ANKS3: variants seen among roughly 807,000 people sequenced by gnomAD.
The protein encoded by ANKS3 is ankyrin repeat and SAM domain-containing protein 3.
A neutral mutation model predicts 80.7 loss-of-function variants in ANKS3; 62 were observed. The ratio of observed to expected loss-of-function variants is 0.77; its 90% CI spans 0.63 to 0.95. The LOEUF (loss-of-function observed/expected upper bound fraction) is 0.95. Ranked by LOEUF, ANKS3 falls within the 40% of genes least tolerant of loss-of-function variation. The pLI, the probability that ANKS3 is intolerant of heterozygous loss-of-function variation, is 0.00. For synonymous variants in ANKS3, 489 were observed against 355.3 expected (o/e 1.38, Z -4.23); for missense variants, 1,150 against 883.6 (o/e 1.30, Z -3.82).
chr16:4,697,895 C>A (rs755999092), intron 15 of ANKS3, 82 bp downstream of exon 15: 55 of 1,296,738 alleles, frequency 4.2e-5, no homozygotes, highest in Non-Finnish European at 5.7e-5. Flanking sequence ...GAGAACCAGG[C>A]CAAGCCCACT....
rs1373021786 is a variant in ANKS3, at chr16:4,713,959, C to G, written c.709+92G>C. 3 of 1,517,920 alleles carry G rather than the reference C, an allele frequency of 2.0e-6. No individual in the cohort carries two copies. The African/African-American group carries it at 4.1e-5, about 21-fold the overall frequency. 94.0% of individuals were successfully genotyped at this position (1,517,920 alleles called of 1,614,324 possible). A position where few individuals can be genotyped will look rare whatever the true frequency, so the allele number is the denominator to read the frequency against. ...GCCAAATCTCAGAGAAGGTGGGAGC[C>G]GGGGAAGCGGGGGACATCTTTCTCT... On this transcript the variant is annotated intron_variant, in intron 7 of 17. Coordinates refer to ENST00000304283, the MANE Select transcript of ANKS3 (RefSeq NM_133450.4).
chr16:4,709,242 C>A (rs2142067839), intron 7 of ANKS3, among the ~76,000 whole-genome samples: 1 of 151,512 alleles, frequency 6.6e-6, no homozygotes, highest in South Asian at 2.1e-4. Context: ...CCCTGTCTCT[C>A]CCAAAAATGC....
At chr16:4,699,398 T>C (rs760684923) in intron 11 of ANKS3, 14 of 589,934 alleles carry the variant, frequency 2.4e-5, no homozygotes, top group East Asian at 8.9e-5. Context: ...GGACAATGTA[T>C]GTTCATCACC....
intron 2 of ANKS3, among the ~76,000 whole-genome samples, chr16:4,730,838 C>G (rs190781661): frequency 6.6e-4 from 100 of 151,050 alleles, no homozygotes; most frequent in African/African-American, 2.3e-3. Flanking sequence ...GGAAACAGAG[C>G]AAGACTTTGT....
In ANKS3 at chr16:4,724,747, T is replaced by C; in HGVS notation, c.573+3A>G. 1 of 1,612,798 alleles carries C rather than the reference T, an allele frequency of 6.2e-7. No individual in the cohort carries two copies. The highest frequency in any genetic ancestry group is 8.5e-7 in the Non-Finnish European group (1 of 1,179,342). ...TTACATGCTAATAATCAGGGTCACT[T>C]ACGTGATTCAGAAAATACTGCACGA... On this transcript the variant is annotated splice_donor_region_variant and intron_variant, in intron 6 of 17. Transcript: ENST00000304283.
chr16:4,698,358 G>A (rs965387864), intron 14 of ANKS3, 69 bp downstream of exon 14: 5 of 1,431,690 alleles, frequency 3.5e-6, no homozygotes, highest in African/African-American at 1.4e-5. Context: ...AGGAAAGGAT[G>A]TGTGGGGGCC....
Position 4,714,045 on chromosome 16 carries a change from G to T in ANKS3, c.709+6C>A. ...CCAGCAGGGCGCGGCTGGCAGGTGT[G>T]GGTACCTGGGCTCCGATAGAGGCTC... On this transcript the variant is annotated splice_donor_region_variant and intron_variant, in intron 7 of 17. Coordinates refer to ENST00000304283, the MANE Select transcript of ANKS3 (RefSeq NM_133450.4). The T allele has an allele frequency of 1.2e-6, 2 of 1,613,966 alleles. No homozygotes were observed. Among genetic ancestry groups the T allele is most frequent in the African/African-American group, 2.7e-5 (2 of 75,046 alleles).
At position 4,721,957 on chromosome 16, in the gene ANKS3, T is replaced by C. The variant is rs770269540; in HGVS notation, c.573+2793A>G. ...GGCCCCGTCTCTTTATACACCAATATAGAAAAATCTTCATGATTAAGTTTT... is the reference window on the plus strand; with the variant it reads ...GGCCCCGTCTCTTTATACACCAATACAGAAAAATCTTCATGATTAAGTTTT... On this transcript the variant is annotated intron_variant, in intron 6 of 17. Coordinates refer to ENST00000304283, the MANE Select transcript of ANKS3 (RefSeq NM_133450.4). 7.7e-4 allele frequency among the ~76,000 whole-genome samples: 116 copies of C among 151,396 alleles called. 2 individuals carry two copies. Among genetic ancestry groups the C allele is most frequent in the Admixed American group, 1.7e-3 (25 of 15,064 alleles).
Position 4,697,123 on chromosome 16 carries a change from G to A in ANKS3, c.1895-19C>T, listed in dbSNP as rs1194526934. ...GCTTGCCCTGAGGAATGATGACCTTGAGCCTCTCCCGGCCAGGCTCAGGAG... is the reference window on the plus strand; with the variant it reads ...GCTTGCCCTGAGGAATGATGACCTTAAGCCTCTCCCGGCCAGGCTCAGGAG... On this transcript the variant is annotated intron_variant, in intron 16 of 17. Transcript: ENST00000304283. The A allele has an allele frequency of 3.1e-6, 5 of 1,611,666 alleles. No homozygotes were observed. The African/African-American group carries it at 4.0e-5, about 13-fold the overall frequency.
chr16:4,698,140 G>C lies in ANKS3; in HGVS notation c.1725-78C>G. ...AGCCCCCACCTCAGACCTTCTAGGG[G>C]AGGGAGGGGCTCAGCCCTGTCCTTG... On this transcript the variant is annotated intron_variant, in intron 14 of 17. Transcript: ENST00000304283. The C allele has an allele frequency of 2.0e-6, 3 of 1,464,438 alleles. No individual in the cohort carries two copies. In the East Asian group the frequency reaches 7.4e-5, roughly 36 times the overall value. 90.7% of individuals were successfully genotyped at this position (1,464,438 alleles called of 1,614,324 possible).
At chr16:4,716,430 C>G (rs1186529749) in intron 6 of ANKS3, among the ~76,000 whole-genome samples, 3 of 151,432 alleles carry the variant, frequency 2.0e-5, no homozygotes. Flanking sequence ...GCAACTGTCT[C>G]TCCCGTTAGA....
chr16:4,697,306 T>A, intron 16 of ANKS3, 27 bp downstream of exon 16: 1 of 1,582,408 alleles, frequency 6.3e-7, no homozygotes, highest in Non-Finnish European at 8.6e-7. Context: ...AAAGGAGCGC[T>A]CAGTCGTCTG....
At chr16:4,709,728 C>T (rs2080387011) in intron 7 of ANKS3, among the ~76,000 whole-genome samples, 1 of 152,104 alleles carries the variant, frequency 6.6e-6, no homozygotes, top group Non-Finnish European at 1.5e-5. Context: ...AAGACAAATG[C>T]CAGCTGTTGT....
chr16:4,697,029 T>C lies in ANKS3; in HGVS notation c.1970A>G (p.Ter657TrpextTer6), dbSNP rs749717796. The C allele has an allele frequency of 4.3e-6, 7 of 1,611,942 alleles. No homozygotes were observed. Among genetic ancestry groups the C allele is most frequent in the Middle Eastern group, 1.7e-4 (1 of 6,046 alleles). The part of the protein sequence containing the change: ...VLNGKKWRET[*>W] ...GGCAGACACTCACCGGCCCGCAGGC[T>C]AGGTCTCCCGCCACTTCTTCCCGTT... Residue 657 changes from the stop codon to tryptophan, a stop_lost, in exon 17 of 18, where the codon TAG becomes TGG. Coordinates refer to ENST00000304283, the MANE Select transcript of ANKS3 (RefSeq NM_133450.4).
chr16:4,730,028 G>A lies in ANKS3; in HGVS notation c.122C>T (p.Thr41Ile). 6.3e-7 allele frequency: 1 copy of A among 1,582,538 alleles called. No homozygotes were observed. The highest frequency in any genetic ancestry group is 1.1e-5 in the South Asian group (1 of 87,456). The change falls in exon 3 of 18, where the codon ACA becomes ATA. Residue 41 changes from threonine (T) to isoleucine (I), a missense_variant. Physicochemically the swap from Thr to Ile is moderately conservative, Grantham distance 89. Transcript: ENST00000304283. ...TTCATACTGGCCAATGGAAGCAGCT[G>A]TGTGAAGATCCAGGGGGACATCCAG... ...EELDVPLDLH[T>I]AASIGQYEVV... is the part of the protein sequence containing the mutation.
intron 6 of ANKS3, among the ~76,000 whole-genome samples, chr16:4,722,016 G>C (rs1234017571): frequency 6.6e-6 from 1 of 151,282 alleles, no homozygotes; most frequent in East Asian, 1.9e-4. Context: ...GCTGCACATG[G>C]GGCAGGACCA....
chr16:4,707,905 C>T (rs141178819), intron 7 of ANKS3, among the ~76,000 whole-genome samples: 20 of 151,948 alleles, frequency 1.3e-4, no homozygotes, highest in African/African-American at 4.6e-4. Flanking sequence ...GAGGTCAGGA[C>T]TTCAAGACCA....
At chr16:4,702,375 T>C (rs776042270) in intron 8 of ANKS3, 133 bp from the exon 9 acceptor site, 123 of 959,598 alleles carry the variant, frequency 1.3e-4, no homozygotes, top group Non-Finnish European at 1.6e-4. Context: ...CTGGCATGGC[T>C]CTATCTGTGG....
chr16:4,732,678 C>CAAA (rs373806788), intron 1 of ANKS3, among the ~76,000 whole-genome samples: 1,071 of 69,026 alleles, frequency 0.016, 78 homozygotes, highest in Middle Eastern at 0.031. Context: ...AATTCTGTCT[C>CAAA]AAAAAAAAAA....
Sources: allele counts gnomAD v4.1 joint callset (sites outside exome capture counted in the v4.1 genomes callset), GRCh38; gene constraint gnomAD v4.1.1; transcripts MANE v1.5; gene names NCBI Gene and HGNC (gene_info 2026-07-23, HGNC 2026-07-21).